The following HTR4 variants were observed in gnomAD, a reference collection of about 807,000 sequenced individuals.
The protein encoded by HTR4 is 5-hydroxytryptamine (serotonin) receptor 4, G protein-coupled.
In HTR4, 16 loss-of-function variants were observed where a neutral mutation model predicts 36.8. That is an observed-to-expected ratio of 0.43 (90% CI 0.29 to 0.66). The LOEUF is 0.66. Among genes scored for constraint, HTR4 ranks in the 30% least tolerant of loss-of-function variants. HTR4 has a pLI of 0.13. For synonymous variants in HTR4, 189 were observed against 185.1 expected, an observed-to-expected ratio of 1.02 and a Z score of -0.17; for missense variants, 438 against 490.9, an observed-to-expected ratio of 0.89 and a Z score of 1.02.
At position 148,607,543 on chromosome 5, in the gene HTR4, A is replaced by G. The variant is rs1285615068; in HGVS notation, c.26+29446T>C. ...CTTTTCCTAAGAAGGCCCCAACTCA[A>G]CTTTGATGAGCCTCTCCATTCCCAC... On this transcript the variant is annotated intron_variant, in intron 2 of 6. Transcript: ENST00000377888. Among the ~76,000 whole-genome samples the G allele has an allele frequency of 3.9e-5, 6 of 152,028 alleles. No homozygotes were observed. In the East Asian group the frequency reaches 1.2e-3, roughly 29 times the overall value.
chr5:148,455,366 G>A (rs370931274), intron 5 of HTR4, among the ~76,000 whole-genome samples: 4 of 152,306 alleles, frequency 2.6e-5, no homozygotes, highest in African/African-American at 9.6e-5. Flanking sequence ...AGTTGAGAAG[G>A]CAACCAGACA....
Position 148,482,053 on chromosome 5 carries a change from T to C in HTR4, c.*1150A>G. ...GAGTGCACAGATGTGGAAAGTGGGG[T>C]CCAGAGATGAAAGAACACTATTCAA... is the stretch of plus-strand genomic sequence containing the variant. On this transcript the variant is annotated 3_prime_UTR_variant, in exon 7 of 7. Transcript: ENST00000377888. The C allele has an allele frequency of 1.0e-6, 1 of 981,090 alleles. No individual in the cohort carries two copies. The highest frequency in any genetic ancestry group is 4.7e-5 in the South Asian group (1 of 21,240). The allele number at this position is 981,090 out of a possible 1,614,324, so 60.8% of individuals were successfully genotyped here.
chr5:148,463,154 T>TC (rs1378560930), intron 5 of HTR4, among the ~76,000 whole-genome samples: 1 of 125,730 alleles, frequency 8.0e-6, no homozygotes, highest in Non-Finnish European at 1.6e-5. Context: ...GCTTTTCATT[T>TC]CTTTTTTTTT....
At chr5:148,474,053 AGAGT>A (rs1755635587), downstream of HTR4, among the ~76,000 whole-genome samples, 1 of 152,086 alleles carries the variant, frequency 6.6e-6, no homozygotes, top group African/African-American at 2.4e-5. Context: ...TGCAATAATA[AGAGT>A]GACCCTGATA....
intron 3 of HTR4, 145 bp from the exon 4 acceptor site, chr5:148,549,013 AC>A (rs1759541102): frequency 1.7e-5 from 11 of 662,416 alleles, no homozygotes; most frequent in Non-Finnish European, 2.9e-5. Flanking sequence ...AGAAAAAGTC[AC>A]ATGCTTAGTG....
At chr5:148,501,708 C>T (rs1465214690) in intron 6 of HTR4, among the ~76,000 whole-genome samples, 2 of 152,120 alleles carry the variant, frequency 1.3e-5, no homozygotes, top group East Asian at 3.9e-4. Flanking sequence ...ATAGGCTACC[C>T]TTACTCTTAT....
intron 2 of HTR4, among the ~76,000 whole-genome samples, chr5:148,584,920 G>A (rs1761294241): frequency 6.6e-6 from 1 of 152,172 alleles, no homozygotes; most frequent in Admixed American, 6.5e-5. Flanking sequence ...AGAGGTACGG[G>A]TCATTGATAT....
chr5:148,548,863 A>G lies in HTR4; in HGVS notation c.158T>C (p.Ile53Thr), dbSNP rs1311969111. The G allele has an allele frequency of 6.2e-7, 1 of 1,612,904 alleles. No homozygotes were observed. The change falls in exon 4 of 7, where the codon ATA (isoleucine) becomes ACA (threonine). Residue 53 changes from isoleucine (I) to threonine (T), a missense_variant. By Grantham distance (89) the Ile-to-Thr change is moderately conservative (BLOSUM62 -1). Coordinates refer to ENST00000377888, the MANE Select transcript of HTR4 (RefSeq NM_000870.7). ...AGATACAATGAAATAATTTGTTTTT[A>G]TTTTCCTGTGAGTGAAAAAGTGTAA... ...AVCWDRQLRK[I>T]KTNYFIVSLA...
chr5:148,469,219 C>G (rs1486980591), intron 5 of HTR4, among the ~76,000 whole-genome samples: 3 of 152,116 alleles, frequency 2.0e-5, no homozygotes, highest in African/African-American at 4.8e-5. Flanking sequence ...TGAGCTAAAG[C>G]TGGTTTAAGT....
At chr5:148,545,444 T>A (rs1759340570) in intron 4 of HTR4, among the ~76,000 whole-genome samples, 1 of 152,262 alleles carries the variant, frequency 6.6e-6, no homozygotes, top group Non-Finnish European at 1.5e-5. Context: ...ATCTTGCCCT[T>A]GTTCGTAGCC....
At chr5:148,529,152 C>T (rs1038117872) in intron 4 of HTR4, among the ~76,000 whole-genome samples, 1 of 151,966 alleles carries the variant, frequency 6.6e-6, no homozygotes, top group African/African-American at 2.4e-5. Flanking sequence ...GGACATAAAC[C>T]TCCTATCATT....
At chr5:148,476,605 C>T, downstream of HTR4, 2 of 1,518,570 alleles carry the variant, frequency 1.3e-6, no homozygotes, top group Non-Finnish European at 8.8e-7. Context: ...GATGCCGTAA[C>T]AATGAAAAGC....
chr5:148,601,289 G>A (rs1394487844), intron 2 of HTR4, among the ~76,000 whole-genome samples: 3 of 152,066 alleles, frequency 2.0e-5, no homozygotes, highest in Admixed American at 6.5e-5. Context: ...GAGGTTCCTC[G>A]AAATAGTAAA....
chr5:148,506,052 G>A (rs531099306), intron 6 of HTR4, among the ~76,000 whole-genome samples: 1 of 152,258 alleles, frequency 6.6e-6, no homozygotes, highest in Non-Finnish European at 1.5e-5. Context: ...CCAAAAAAGA[G>A]CCCGCATTGC....
chr5:148,460,904 C>T (rs1039519264), intron 5 of HTR4, among the ~76,000 whole-genome samples: 1 of 151,982 alleles, frequency 6.6e-6, no homozygotes, highest in Non-Finnish European at 1.5e-5. Context: ...GTTGGACCAT[C>T]ATAAGTTGGT....
At chr5:148,457,970 A>T (rs62636122) in intron 5 of HTR4, among the ~76,000 whole-genome samples, 61,092 of 134,642 alleles carry the variant, frequency 0.45, 15,278 homozygotes, top group Middle Eastern at 0.62. Flanking sequence ...TTAAAATATA[A>T]TATATTTTAA....
intron 5 of HTR4, among the ~76,000 whole-genome samples, chr5:148,515,609 A>T (rs1173983236): frequency 3.3e-5 from 5 of 152,130 alleles, no homozygotes; most frequent in Non-Finnish European, 5.9e-5. Context: ...ATAGAATTCT[A>T]AGTTGTAGAT....
intron 4 of HTR4, among the ~76,000 whole-genome samples, chr5:148,546,745 G>A (rs75291485): frequency 1.3e-5 from 2 of 152,060 alleles, no homozygotes; most frequent in East Asian, 3.9e-4. Flanking sequence ...CCAAATTCCT[G>A]TAGTACTTTC....
intron 2 of HTR4, among the ~76,000 whole-genome samples, chr5:148,559,325 T>G (rs894655369): frequency 9.9e-5 from 15 of 152,228 alleles, no homozygotes; most frequent in African/African-American, 3.4e-4. Context: ...GTGTGGCTTC[T>G]TCATTACCTT....
Sources: allele counts gnomAD v4.1 joint callset (sites outside exome capture counted in the v4.1 genomes callset), GRCh38; gene constraint gnomAD v4.1.1; transcripts MANE v1.5; gene names NCBI Gene and HGNC (gene_info 2026-07-23, HGNC 2026-07-21).